The following SPMIP8 variants were observed in gnomAD, a reference collection of about 807,000 sequenced individuals.
SPMIP8 encodes the protein testicular tissue protein Li 196.
At chr16:57,985,228 G>T in the SPMIP8 span, 1 of 1,548,956 alleles carries the variant, frequency 6.5e-7, no homozygotes, top group African/African-American at 1.4e-5. Flanking sequence ...GCGGCTACGC[G>T]GTGCGGTACT....
At chr16:57,981,864 C>T in the SPMIP8 span, among the ~76,000 whole-genome samples, 2 of 152,042 alleles carry the variant, frequency 1.3e-5, no homozygotes, top group Non-Finnish European at 2.9e-5. Context: ...CGCAAAAAGG[C>T]AGGGGTGGAA....
chr16:57,983,453 C>G, the SPMIP8 span, among the ~76,000 whole-genome samples: 1 of 151,386 alleles, frequency 6.6e-6, no homozygotes, highest in Non-Finnish European at 1.5e-5. Context: ...TTCTTTAAAG[C>G]TTCTGGATTT....
At chr16:57,980,471 T>C in the SPMIP8 span, among the ~76,000 whole-genome samples, 1 of 152,154 alleles carries the variant, frequency 6.6e-6, no homozygotes, top group East Asian at 1.9e-4. Flanking sequence ...CAGTCCATGG[T>C]TGGTGGTCTT....
At chr16:57,987,726 T>C in the SPMIP8 span, 1 of 355,120 alleles carries the variant, frequency 2.8e-6, no homozygotes, top group East Asian at 4.4e-5. Flanking sequence ...AGAGTCAGGG[T>C]GTAAGCCGCA....
chr16:57,986,585 A>G, the SPMIP8 span: 1 of 99,078 alleles, frequency 1.0e-5, no homozygotes, highest in East Asian at 2.2e-4. Context: ...CCTTCGTGCC[A>G]TTATTATTAT....
the SPMIP8 span, among the ~76,000 whole-genome samples, chr16:57,982,859 ATCTC>A: frequency 2.6e-5 from 4 of 152,116 alleles, 1 homozygote; most frequent in South Asian, 8.3e-4. Flanking sequence ...GTGAAACCCC[ATCTC>A]TACTAAAAAT....
At chr16:57,985,168 G>C in the SPMIP8 span, 15 of 1,476,502 alleles carry the variant, frequency 1.0e-5, no homozygotes, top group Non-Finnish European at 1.3e-5. Flanking sequence ...TCCTGGGGGG[G>C]GGCGGATGAG....
the SPMIP8 span, chr16:57,986,093 G>C: frequency 1.1e-6 from 1 of 932,174 alleles, no homozygotes; most frequent in Non-Finnish European, 1.5e-6. Flanking sequence ...GAGCTGCTTC[G>C]CTCTGGAGAG....
chr16:57,982,807 A>C, the SPMIP8 span, among the ~76,000 whole-genome samples: 289 of 152,320 alleles, frequency 1.9e-3, no homozygotes, highest in Non-Finnish European at 3.1e-3. Context: ...AGGTGGACAG[A>C]TCACTTGAGG....
chr16:57,977,560 AGTGT>A, the SPMIP8 span, among the ~76,000 whole-genome samples: 21 of 132,706 alleles, frequency 1.6e-4, no homozygotes, highest in East Asian at 2.7e-3. Flanking sequence ...GCACAATGTG[AGTGT>A]GTGTGTGTGT....
the SPMIP8 span, among the ~76,000 whole-genome samples, chr16:57,983,017 G>C: frequency 6.6e-6 from 1 of 152,106 alleles, no homozygotes; most frequent in Non-Finnish European, 1.5e-5. Context: ...GCGACAGAGC[G>C]AGACTCTGTC....
chr16:57,978,098 G>A, the SPMIP8 span: 1 of 1,535,570 alleles, frequency 6.5e-7, no homozygotes. Context: ...CAGGAAAGAG[G>A]GAGACAGATG....
At chr16:57,985,105 A>T in the SPMIP8 span, 10 of 1,047,994 alleles carry the variant, frequency 9.5e-6, no homozygotes, top group South Asian at 1.7e-5. Flanking sequence ...GTGGGGCTGG[A>T]TTGTGGGCGG....
chr16:57,984,537 G>A, the SPMIP8 span: 1 of 1,496,588 alleles, frequency 6.7e-7, no homozygotes, highest in South Asian at 1.3e-5. Flanking sequence ...CCAATGCACC[G>A]GGCCACTTGT....
At chr16:57,986,261 C>A in the SPMIP8 span, 1 of 327,542 alleles carries the variant, frequency 3.1e-6, no homozygotes, top group Middle Eastern at 8.3e-4. Context: ...AGGGAGAGAG[C>A]CGAGAATCTG....
chr16:57,986,625 A>ACTCTGTCG, the SPMIP8 span: 1 of 149,516 alleles, frequency 6.7e-6, no homozygotes, highest in African/African-American at 2.5e-5. Context: ...ACGGAGTCTC[A>ACTCTGTCG]CTCTGTCGCC....
chr16:57,982,767 C>T, the SPMIP8 span, among the ~76,000 whole-genome samples: 12 of 152,180 alleles, frequency 7.9e-5, no homozygotes, highest in African/African-American at 2.9e-4. Flanking sequence ...CAGTGGCTCA[C>T]GCCTGTAATC....
chr16:57,977,494 C>T, the SPMIP8 span, among the ~76,000 whole-genome samples: 16 of 151,554 alleles, frequency 1.1e-4, no homozygotes, highest in Admixed American at 1.1e-3. Context: ...CTTGAATGTC[C>T]TAACCCCAGC....
chr16:57,982,987 G>A, the SPMIP8 span, among the ~76,000 whole-genome samples: 3 of 152,066 alleles, frequency 2.0e-5, no homozygotes, highest in Admixed American at 6.5e-5. Flanking sequence ...CCGAGACCGC[G>A]CCACTGTACT....
Sources: allele counts gnomAD v4.1 joint callset (sites outside exome capture counted in the v4.1 genomes callset), GRCh38; gene constraint gnomAD v4.1.1; transcripts MANE v1.5; gene names NCBI Gene and HGNC (gene_info 2026-07-23, HGNC 2026-07-21).